The following NELL2 variants were observed in gnomAD, a reference collection of about 807,000 sequenced individuals.
The protein encoded by NELL2 is neural EGFL like 2.
In NELL2, 41 loss-of-function variants were observed where a neutral mutation model predicts 109.6. That is an observed-to-expected ratio of 0.37 (90% CI 0.29 to 0.49). The LOEUF (loss-of-function observed/expected upper bound fraction) is 0.49. Among genes scored for constraint, NELL2 ranks in the 20% least tolerant of loss-of-function variants. The pLI is 0.98. For missense variants in NELL2, 900 were observed against 1,008.3 expected (o/e 0.89, Z 1.45); for synonymous variants, 355 against 344.7 (o/e 1.03, Z -0.33).
intron 15 of NELL2, among the ~76,000 whole-genome samples, chr12:44,561,131 G>A (rs1006770690): frequency 3.9e-5 from 6 of 152,016 alleles, no homozygotes; most frequent in African/African-American, 7.2e-5. Context: ...ATTCAGCACC[G>A]CTTCATGCTA....
In NELL2 at chr12:44,801,509, A is replaced by C. The variant is rs11182689; in HGVS notation, c.335+14477T>G. ...AAGCAGTTGAGAATTTGTCAGGATA[A>C]TAGTTAGGACGATGGGCTGTGACGC... On this transcript the variant is annotated intron_variant, in intron 3 of 19. Coordinates refer to ENST00000429094, the MANE Select transcript of NELL2 (RefSeq NM_001145108.2). Among the ~76,000 whole-genome samples the C allele has an allele frequency of 2.3e-3, 348 of 152,210 alleles. 10 individuals are homozygous for C. The East Asian group carries it at 0.05, about 22-fold the overall frequency.
chr12:44,611,118 A>G, intron 13 of NELL2, 148 bp from the exon 14 acceptor site: 1 of 731,492 alleles, frequency 1.4e-6, no homozygotes, highest in Non-Finnish European at 2.2e-6. Flanking sequence ...CAGATTTTGA[A>G]GTATTATATA....
chr12:44,719,970 A>G (rs1938682742), intron 9 of NELL2, among the ~76,000 whole-genome samples: 1 of 152,162 alleles, frequency 6.6e-6, no homozygotes. Flanking sequence ...AAAAATTTTA[A>G]AAGTGTTTTA....
At chr12:44,765,627 T>G (rs1163265722) in intron 9 of NELL2, among the ~76,000 whole-genome samples, 1 of 151,736 alleles carries the variant, frequency 6.6e-6, no homozygotes, top group African/African-American at 2.4e-5. Flanking sequence ...CAGCAGATAT[T>G]CTGACAAATA....
intron 1 of NELL2, among the ~76,000 whole-genome samples, chr12:44,902,725 A>G (rs1015268495): frequency 6.6e-6 from 1 of 152,196 alleles, no homozygotes; most frequent in African/African-American, 2.4e-5. Context: ...ATGGAACAGA[A>G]CAGAGGCCTT....
rs146796526 is a variant in NELL2, at chr12:44,765,875, A to G, written c.994+8872T>C. On this transcript the variant is annotated intron_variant, in intron 9 of 19. Transcript: ENST00000429094. ...TGCAGTGGCTCACGCCTGTAATCTG[A>G]GCACTTTGGGAGGCCGAGGTGGGCA... 2.6e-5 allele frequency among the ~76,000 whole-genome samples: 4 copies of G among 152,330 alleles called. No individual in the cohort carries two copies. The East Asian group carries it at 7.7e-4, about 29-fold the overall frequency.
chr12:44,812,698 A>G (rs1592583613), intron 3 of NELL2, among the ~76,000 whole-genome samples: 2 of 152,218 alleles, frequency 1.3e-5, no homozygotes, highest in Non-Finnish European at 2.9e-5. Context: ...AATACAAGCC[A>G]TAACAGAAGG....
chr12:44,587,563 A>G (rs932163804), intron 15 of NELL2, among the ~76,000 whole-genome samples: 5 of 152,110 alleles, frequency 3.3e-5, no homozygotes, highest in Non-Finnish European at 7.4e-5. Context: ...GGATTAATAC[A>G]TAGAATCACA....
At chr12:44,785,959 A>G (rs1592529641) in intron 3 of NELL2, among the ~76,000 whole-genome samples, 1 of 152,358 alleles carries the variant, frequency 6.6e-6, no homozygotes, top group East Asian at 1.9e-4. Context: ...CATTCAGGAC[A>G]TAGGCACGGG....
At chr12:44,602,151 C>G (rs538562931) in intron 15 of NELL2, among the ~76,000 whole-genome samples, 10 of 152,226 alleles carry the variant, frequency 6.6e-5, no homozygotes, top group Non-Finnish European at 1.5e-4. Context: ...TATCTACACC[C>G]CTAATTCACA....
chr12:44,587,308 T>TA (rs1491354933), intron 15 of NELL2, among the ~76,000 whole-genome samples: 1,587 of 67,390 alleles, frequency 0.024, 52 homozygotes, highest in African/African-American at 0.073. Context: ...TATATATATA[T>TA]TTTTTTTTAA....
Position 44,784,281 on chromosome 12 carries a change from A to G in NELL2, c.336-4259T>C, listed in dbSNP as rs139724816. On this transcript the variant is annotated intron_variant, in intron 3 of 19. Coordinates refer to ENST00000429094, the MANE Select transcript of NELL2 (RefSeq NM_001145108.2). Reference sequence around the variant, plus strand: ...CAAACCTCTCGTTCCCACCATTCTTATTCAACATAGTGCTGAAAGCTCTGG... The same window carrying G: ...CAAACCTCTCGTTCCCACCATTCTTGTTCAACATAGTGCTGAAAGCTCTGG... 2.7e-3 allele frequency among the ~76,000 whole-genome samples: 409 copies of G among 152,218 alleles called. 3 individuals are homozygous for G. The highest frequency in any genetic ancestry group is 0.024 in the Middle Eastern group (7 of 294).
chr12:44,766,498 C>G (rs1328319889), intron 9 of NELL2, among the ~76,000 whole-genome samples: 1 of 152,184 alleles, frequency 6.6e-6, no homozygotes, highest in Non-Finnish European at 1.5e-5. Flanking sequence ...CCTATTCTTA[C>G]TTCAAAATGC....
At chr12:44,832,745 T>C (rs1943925719) in intron 2 of NELL2, among the ~76,000 whole-genome samples, 1 of 152,170 alleles carries the variant, frequency 6.6e-6, no homozygotes, top group Non-Finnish European at 1.5e-5. Context: ...CAAAAACATT[T>C]AAAATAGTGC....
At chr12:44,539,047 C>T (rs535632677) in intron 15 of NELL2, among the ~76,000 whole-genome samples, 25 of 152,228 alleles carry the variant, frequency 1.6e-4, no homozygotes, top group African/African-American at 5.3e-4. Context: ...GGGAAGCTTT[C>T]CTGGACTCCA....
In NELL2 at chr12:44,844,860, A is replaced by C. The variant is rs1341653831; in HGVS notation, c.185-28724T>G. Among the ~76,000 whole-genome samples, 5 of 152,164 alleles carry C rather than the reference A, an allele frequency of 3.3e-5. 1 individual carries two copies. Among genetic ancestry groups the C allele is most frequent in the Admixed American group, 6.5e-5 (1 of 15,276 alleles). On this transcript the variant is annotated intron_variant, in intron 2 of 19. Coordinates refer to ENST00000429094, the MANE Select transcript of NELL2 (RefSeq NM_001145108.2). ...CAGTTAGTGAAGGATAATACCCTGG[A>C]AGAGTTTTTCACTGTGCACAATTAA...
chr12:44,895,664 A>G (rs903887256), intron 1 of NELL2, among the ~76,000 whole-genome samples: 1 of 152,154 alleles, frequency 6.6e-6, no homozygotes, highest in African/African-American at 2.4e-5. Flanking sequence ...TTGTATCCAC[A>G]GCAATAAGAT....
chr12:44,736,514 CA>C lies in NELL2; in HGVS notation c.995-21774del, dbSNP rs56916445. On this transcript the variant is annotated intron_variant, in intron 9 of 19. Transcript: ENST00000429094. ...ATATGTATAATTGACCTTGCTTAATCAAAAAAAAAAAGACAGAAGTCATGAG... is the reference window on the plus strand; with the variant it reads ...ATATGTATAATTGACCTTGCTTAATCAAAAAAAAAAGACAGAAGTCATGAG... Among the ~76,000 whole-genome samples the C allele has an allele frequency of 2.0e-3, 284 of 142,220 alleles. 3 individuals are homozygous for C. The highest frequency in any genetic ancestry group is 8.1e-3 in the East Asian group (40 of 4,946). The allele number at this position is 142,220 out of a possible 152,430, so 93.3% of individuals were successfully genotyped here.
At chr12:44,591,724 A>G (rs1297028584) in intron 15 of NELL2, among the ~76,000 whole-genome samples, 1 of 152,172 alleles carries the variant, frequency 6.6e-6, no homozygotes, top group East Asian at 1.9e-4. Flanking sequence ...ATTTAATAAT[A>G]ATTTACTGTA....
Sources: gnomAD v4.1 joint callset for allele counts (sites outside exome capture counted in the v4.1 genomes callset) on GRCh38, gnomAD v4.1.1 for gene constraint, MANE v1.5 for transcripts, NCBI Gene and HGNC (gene_info 2026-07-23, HGNC 2026-07-21) for gene names.